ATRNL1: variants seen among roughly 807,000 people sequenced by gnomAD.
ATRNL1 encodes the protein attractin-like protein 1.
In ATRNL1, 95 loss-of-function variants were observed where a neutral mutation model predicts 182.7. The observed-to-expected ratio is 0.52, with a 90% CI of 0.44 to 0.62. The LOEUF (loss-of-function observed/expected upper bound fraction) is 0.62, where lower values mean the gene tolerates loss of function less well. Among genes scored for constraint, ATRNL1 ranks in the 20% least tolerant of loss-of-function variants. The pLI is 0.00. For synonymous variants in ATRNL1, 576 were observed against 568.3 expected, an observed-to-expected ratio of 1.01 and a Z score of -0.19; for missense variants, 1,471 against 1,679.5, an observed-to-expected ratio of 0.88 and a Z score of 2.17.
intron 10 of ATRNL1, among the ~76,000 whole-genome samples, chr10:115,252,187 C>T (rs554072375): frequency 5.3e-5 from 8 of 152,196 alleles, no homozygotes; most frequent in African/African-American, 9.6e-5. Flanking sequence ...CCACCACGCC[C>T]GGCTAATTTT....
intron 26 of ATRNL1, among the ~76,000 whole-genome samples, chr10:115,565,294 G>A (rs1470390286): frequency 2.6e-5 from 4 of 151,908 alleles, no homozygotes; most frequent in Non-Finnish European, 5.9e-5. Context: ...TAAAATGTTG[G>A]CAAACTGCTT....
intron 17 of ATRNL1, among the ~76,000 whole-genome samples, chr10:115,303,123 C>CTT (rs35839993): frequency 3.4e-4 from 50 of 148,254 alleles, no homozygotes; most frequent in East Asian, 1.4e-3. Context: ...ACTTTATGTC[C>CTT]TTTTTTTTTT....
intron 28 of ATRNL1, among the ~76,000 whole-genome samples, chr10:115,870,914 C>A (rs1326568122): frequency 2.0e-5 from 3 of 152,076 alleles, no homozygotes; most frequent in African/African-American, 7.2e-5. Flanking sequence ...ATATAAATTT[C>A]TAGGAACAAT....
intron 20 of ATRNL1, among the ~76,000 whole-genome samples, chr10:115,405,759 G>A (rs1844794883): frequency 6.6e-6 from 1 of 151,126 alleles, no homozygotes; most frequent in African/African-American, 2.4e-5. Context: ...AGTTACATAT[G>A]TATACATGTG....
chr10:115,485,038 T>G (rs144360571), intron 24 of ATRNL1, among the ~76,000 whole-genome samples: 2 of 152,046 alleles, frequency 1.3e-5, no homozygotes, highest in East Asian at 3.9e-4. Flanking sequence ...TGTTTTTTTG[T>G]GTGGTGTTGC....
intron 5 of ATRNL1, among the ~76,000 whole-genome samples, chr10:115,132,124 C>G (rs970625533): frequency 1.3e-5 from 2 of 150,972 alleles, no homozygotes; most frequent in Admixed American, 1.3e-4. Context: ...TGTTCCCCTT[C>G]CTGTGTCCAA....
intron 7 of ATRNL1, 120 bp downstream of exon 7, chr10:115,165,765 A>G: frequency 2.2e-6 from 1 of 453,312 alleles, no homozygotes; most frequent in Non-Finnish European, 3.8e-6. Flanking sequence ...GATTATATGG[A>G]TCATGATAAC....
intron 1 of ATRNL1, among the ~76,000 whole-genome samples, chr10:115,106,989 A>G (rs868910507): frequency 4.6e-5 from 7 of 152,186 alleles, no homozygotes; most frequent in Non-Finnish European, 1.0e-4. Flanking sequence ...TAGAGGGTCA[A>G]GGGATAGGCA....
intron 26 of ATRNL1, among the ~76,000 whole-genome samples, chr10:115,710,440 T>C (rs1947029497): frequency 6.6e-6 from 1 of 152,252 alleles, no homozygotes; most frequent in Admixed American, 6.5e-5. Context: ...TGACACATTG[T>C]CTTTGTCCCA....
chr10:115,419,161 T>G (rs1339146981), intron 20 of ATRNL1, among the ~76,000 whole-genome samples: 2 of 152,208 alleles, frequency 1.3e-5, no homozygotes, highest in Non-Finnish European at 2.9e-5. Context: ...AATGTACCAT[T>G]TTTGTTGTTT....
intron 19 of ATRNL1, among the ~76,000 whole-genome samples, chr10:115,367,407 G>A (rs1207401267): frequency 7.2e-6 from 1 of 138,646 alleles, no homozygotes; most frequent in Non-Finnish European, 1.6e-5. Context: ...GGTTATTCTA[G>A]TTATACATTC....
chr10:115,529,460 A>C (rs1468163005), intron 25 of ATRNL1, among the ~76,000 whole-genome samples: 2 of 151,494 alleles, frequency 1.3e-5, no homozygotes, highest in African/African-American at 4.8e-5. Flanking sequence ...AATAAATGGA[A>C]ATTTTCTTTT....
At chr10:115,721,402 T>C (rs894834020) in intron 26 of ATRNL1, among the ~76,000 whole-genome samples, 1 of 152,218 alleles carries the variant, frequency 6.6e-6, no homozygotes, top group African/African-American at 2.4e-5. Context: ...AAGCTTATTG[T>C]ATTAGTCCCT....
chr10:115,354,546 G>T (rs1490134053), intron 19 of ATRNL1, among the ~76,000 whole-genome samples: 1 of 152,022 alleles, frequency 6.6e-6, no homozygotes, highest in Non-Finnish European at 1.5e-5. Flanking sequence ...CACTGAGAAG[G>T]CTGCTGCCAG....
At chr10:115,252,526 T>C (rs896644139) in intron 10 of ATRNL1, among the ~76,000 whole-genome samples, 23 of 152,348 alleles carry the variant, frequency 1.5e-4, no homozygotes, top group Admixed American at 1.0e-3. Context: ...GGCAGAGTGC[T>C]ATCTGTCTTT....
intron 13 of ATRNL1, among the ~76,000 whole-genome samples, chr10:115,275,498 A>G (rs1554914578): frequency 6.6e-6 from 1 of 152,246 alleles, no homozygotes; most frequent in East Asian, 1.9e-4. Context: ...TAAGCAAGTC[A>G]GACTATTCCA....
intron 26 of ATRNL1, among the ~76,000 whole-genome samples, chr10:115,654,527 C>A (rs1389458120): frequency 5.9e-5 from 9 of 152,094 alleles, no homozygotes; most frequent in Admixed American, 5.2e-4. Context: ...CATCATTCTT[C>A]TTTTCTCATT....
intron 26 of ATRNL1, among the ~76,000 whole-genome samples, chr10:115,691,557 A>G (rs1283433166): frequency 1.3e-5 from 2 of 152,152 alleles, no homozygotes; most frequent in African/African-American, 4.8e-5. Flanking sequence ...CTCCGTCTCT[A>G]CAAAAAATAC....
At chr10:115,098,584 C>G (rs965579830) in intron 1 of ATRNL1, among the ~76,000 whole-genome samples, 8 of 151,092 alleles carry the variant, frequency 5.3e-5, no homozygotes, top group Non-Finnish European at 1.0e-4. Flanking sequence ...GCTTCAGCCT[C>G]CCGAGTAGCT....
Sources: allele counts gnomAD v4.1 joint callset (sites outside exome capture counted in the v4.1 genomes callset), GRCh38; gene constraint gnomAD v4.1.1; transcripts MANE v1.5; gene names NCBI Gene and HGNC (gene_info 2026-07-23, HGNC 2026-07-21).